NCALD: variants seen among roughly 807,000 people sequenced by gnomAD.
NCALD encodes neurocalcin-delta.
Under a neutral mutation model 18.6 loss-of-function variants are expected in NCALD, and 10 were observed. That is an observed-to-expected ratio of 0.54 (90% CI 0.33 to 0.91). The LOEUF (loss-of-function observed/expected upper bound fraction) is 0.91, where lower values mean the gene tolerates loss of function less well. NCALD is among the 40% of genes least tolerant of loss of function. NCALD has a pLI of 0.03. For synonymous variants in NCALD, 88 were observed against 87.4 expected, an observed-to-expected ratio of 1.01 and a Z score of -0.04; for missense variants, 184 against 247.6, an observed-to-expected ratio of 0.74 and a Z score of 1.72.
chr8:101,836,746 A>AT (rs1814429815), intron 4 of NCALD, among the ~76,000 whole-genome samples: 1 of 152,148 alleles, frequency 6.6e-6, no homozygotes, highest in Non-Finnish European at 1.5e-5. Flanking sequence ...CAGTAAGACA[A>AT]TTTTTTACCA....
intron 1 of NCALD, among the ~76,000 whole-genome samples, chr8:102,026,850 C>G (rs1421110978): frequency 6.6e-6 from 1 of 152,232 alleles, no homozygotes; most frequent in African/African-American, 2.4e-5. Context: ...CATACATCCT[C>G]TGAAATCTAG....
chr8:102,076,089 A>C (rs1310535808), intron 1 of NCALD, among the ~76,000 whole-genome samples: 1 of 152,122 alleles, frequency 6.6e-6, no homozygotes, highest in African/African-American at 2.4e-5. Context: ...GGAATATAAA[A>C]CTTGTGTATG....
chr8:101,845,688 C>T (rs1452625839), intron 4 of NCALD, among the ~76,000 whole-genome samples: 1 of 152,172 alleles, frequency 6.6e-6, no homozygotes, highest in Admixed American at 6.5e-5. Context: ...CATTCCAAAT[C>T]TTCTCTTCTA....
At chr8:101,899,908 A>T (rs1817358366) in intron 3 of NCALD, among the ~76,000 whole-genome samples, 3 of 151,842 alleles carry the variant, frequency 2.0e-5, no homozygotes, top group African/African-American at 7.2e-5. Context: ...ATATTTCCTC[A>T]TCTTTTATTT....
intron 2 of NCALD, among the ~76,000 whole-genome samples, chr8:101,934,486 C>G (rs479316): frequency 0.59 from 89,216 of 151,732 alleles, 26,302 homozygotes; most frequent in South Asian, 0.66. Context: ...GGTTAAAGAA[C>G]AAGCAGAAGA....
At chr8:101,815,578 G>C (rs1345632387) in intron 4 of NCALD, among the ~76,000 whole-genome samples, 1 of 152,088 alleles carries the variant, frequency 6.6e-6, no homozygotes, top group East Asian at 1.9e-4. Context: ...GTCATCAGGG[G>C]AATGTAAATT....
At chr8:102,077,441 GA>G (rs35274937) in intron 1 of NCALD, among the ~76,000 whole-genome samples, 25,774 of 152,058 alleles carry the variant, frequency 0.17, 2,528 homozygotes, top group African/African-American at 0.27. Flanking sequence ...AAATGCCTCT[GA>G]AATTGTTTCG....
At chr8:101,912,005 G>A (rs1586743120) in intron 3 of NCALD, among the ~76,000 whole-genome samples, 1 of 152,014 alleles carries the variant, frequency 6.6e-6, no homozygotes, top group East Asian at 1.9e-4. Flanking sequence ...GAACAATCAG[G>A]AAAAATATAC....
chr8:101,961,450 T>C (rs897104140), intron 2 of NCALD, among the ~76,000 whole-genome samples: 3 of 152,202 alleles, frequency 2.0e-5, no homozygotes, highest in African/African-American at 7.2e-5. Context: ...AGTTTTTTTC[T>C]ATCTCATGGT....
chr8:101,692,803 T>C lies in NCALD; in HGVS notation c.472A>G (p.Thr158Ala). The change falls in exon 3 of 4, where the codon ACC becomes GCC. Residue 158 changes from threonine to alanine, a missense_variant. Coordinates refer to ENST00000220931, the MANE Select transcript of NCALD (RefSeq NM_032041.3). ...CCCCGCCTCCTACCGTCTCTATTGGTGTCCATCTGGCGGAAGATCTTTTCT... is the reference window on the plus strand; with the variant it reads ...CCCCGCCTCCTACCGTCTCTATTGGCGTCCATCTGGCGGAAGATCTTTTCT... ...RTEKIFRQMD[T>A]NRDGKLSLEE... The C allele has an allele frequency of 6.2e-7, 1 of 1,613,270 alleles. No homozygotes were observed. The highest frequency in any genetic ancestry group is 1.7e-5 in the Admixed American group (1 of 60,018).
intron 4 of NCALD, among the ~76,000 whole-genome samples, chr8:101,833,251 G>A (rs1011827886): frequency 2.0e-5 from 3 of 152,116 alleles, no homozygotes; most frequent in Non-Finnish European, 2.9e-5. Flanking sequence ...TTTTGGGAGA[G>A]GCCTAAAAGT....
intron 4 of NCALD, among the ~76,000 whole-genome samples, chr8:101,802,990 T>A (rs1812927701): frequency 6.6e-6 from 1 of 151,432 alleles, no homozygotes; most frequent in Non-Finnish European, 1.5e-5. Context: ...GCTAAGATCA[T>A]TGATGAAGGT....
At chr8:102,071,214 A>G (rs1350563207) in intron 1 of NCALD, among the ~76,000 whole-genome samples, 2 of 152,148 alleles carry the variant, frequency 1.3e-5, no homozygotes, top group Non-Finnish European at 2.9e-5. Context: ...ACCAAGCAGA[A>G]TGGCCTGGGA....
Position 102,093,039 on chromosome 8 carries a change from AT to A in NCALD, c.-210+31197del, listed in dbSNP as rs570227207. ...CAAAAGTCACTATTTACACCTGTAG[AT>A]CCAGCTTCTCAGGAGGCTGAGGAGG... is the stretch of plus-strand genomic sequence containing the variant. On this transcript the variant is annotated intron_variant, in intron 1 of 6. Coordinates refer to the NCALD transcript ENST00000311028. 1.2e-3 allele frequency among the ~76,000 whole-genome samples: 176 copies of A among 152,176 alleles called. 2 individuals are homozygous for A. The highest frequency in any genetic ancestry group is 4.0e-3 in the African/African-American group (167 of 41,520).
At chr8:101,718,382 C>A (rs1444397233) in intron 2 of NCALD, among the ~76,000 whole-genome samples, 2 of 152,098 alleles carry the variant, frequency 1.3e-5, no homozygotes, top group Middle Eastern at 3.2e-3. Context: ...TCAATTCATA[C>A]CTTCTGCATA....
intron 4 of NCALD, among the ~76,000 whole-genome samples, chr8:101,865,586 C>G (rs573873703): frequency 6.6e-6 from 1 of 151,670 alleles, no homozygotes; most frequent in South Asian, 2.1e-4. Flanking sequence ...CTCTGGGGTT[C>G]CCTTTCTCCT....
At position 101,719,566 on chromosome 8, in the gene NCALD, A is replaced by G; in HGVS notation, c.64T>C (p.Phe22Leu). The G allele has an allele frequency of 6.2e-7, 1 of 1,613,218 alleles. No homozygotes were observed. The highest frequency in any genetic ancestry group is 1.1e-5 in the South Asian group (1 of 90,718). Residue 22 changes from phenylalanine (F) to leucine (L), a missense_variant, in exon 2 of 4, where the codon TTT becomes CTT. Phe to Leu is a conservative substitution (Grantham distance 22, BLOSUM62 0). Transcript: ENST00000220931. ...CATTCCTGGATCTCATGCTCTGTAA[A>G]GTCTGTGCTTTCCAGCAAGTCCTGC... The part of the protein sequence containing the change: ...VMQDLLESTD[F>L]TEHEIQEWYK...
At chr8:101,968,637 A>AC (rs1820123297) in intron 2 of NCALD, among the ~76,000 whole-genome samples, 1 of 151,870 alleles carries the variant, frequency 6.6e-6, no homozygotes, top group Non-Finnish European at 1.5e-5. Context: ...ATGGCCCAGT[A>AC]CCTGGCACAA....
intron 3 of NCALD, among the ~76,000 whole-genome samples, chr8:101,894,324 GAC>G (rs1164934854): frequency 6.3e-5 from 8 of 126,244 alleles, no homozygotes; most frequent in African/African-American, 3.0e-4. Flanking sequence ...CGAGAACAAA[GAC>G]ACAACATACC....
Sources: gnomAD v4.1 joint callset for allele counts (sites outside exome capture counted in the v4.1 genomes callset) on GRCh38, gnomAD v4.1.1 for gene constraint, MANE v1.5 for transcripts, NCBI Gene and HGNC (gene_info 2026-07-23, HGNC 2026-07-21) for gene names.